Variants in ASB17 observed in about 807,000 individuals in gnomAD.
ASB17 encodes the protein ankyrin repeat and SOCS box protein 17.
Under a neutral mutation model 25.7 loss-of-function variants are expected in ASB17, and 26 were observed. That is an observed-to-expected ratio of 1.01 (90% CI 0.74 to 1.40). ASB17 has a LOEUF of 1.40. Ranked by LOEUF, ASB17 falls within the 40% of genes most tolerant of loss-of-function variation. The pLI is 0.00. For missense variants in ASB17, 326 were observed against 338.5 expected (o/e 0.96, Z 0.29); for synonymous variants, 128 against 121.4 (o/e 1.05, Z -0.36).
rs771938087 is a variant in ASB17, at chr1:75,922,230, G to A, written c.531C>T (p.Asn177=). 6.2e-7 allele frequency: 1 copy of A among 1,613,550 alleles called. No individual in the cohort carries two copies. Among genetic ancestry groups the A allele is most frequent in the Non-Finnish European group, 8.5e-7 (1 of 1,179,744 alleles). The change falls in exon 2 of 3, where the codon AAC becomes AAT. Residue 177 remains asparagine, a synonymous_variant. Coordinates refer to ENST00000284142, the MANE Select transcript of ASB17 (RefSeq NM_080868.3). ...CTATTGTTAAGACAATGTTGATAGG[G>A]TTTTTTTCTCTTTCTAAGATTCCAT... is the stretch of plus-strand genomic sequence containing the variant. ...LQYGILEREK[N]PINIVLTIVL...
chr1:75,932,202 G>GGGT lies in ASB17; in HGVS notation c.87_89dup (p.Pro30dup). 1 of 1,614,040 alleles carries GGGT rather than the reference G, an allele frequency of 6.2e-7. No individual in the cohort carries two copies. Among genetic ancestry groups the GGGT allele is most frequent in the Non-Finnish European group, 8.5e-7 (1 of 1,179,960 alleles). On this transcript the variant is annotated inframe_insertion, in exon 1 of 3. Transcript: ENST00000284142. The stretch of plus-strand genomic sequence containing the variant: ...CCCACTGACCCAAAAACTGTAGGGA[G>GGGT]GGTCTTTTAACAATTTTGTCAAGGA...
At chr1:75,919,719 T>C (rs1204926356) in intron 2 of ASB17, among the ~76,000 whole-genome samples, 1 of 152,202 alleles carries the variant, frequency 6.6e-6, no homozygotes, top group Admixed American at 6.5e-5. Flanking sequence ...CATGAACTCA[T>C]CCTTTTTTAT....
chr1:75,922,775 C>A (rs954927172), intron 1 of ASB17, among the ~76,000 whole-genome samples: 9 of 152,048 alleles, frequency 5.9e-5, no homozygotes, highest in African/African-American at 1.9e-4. Flanking sequence ...GGATTACAGG[C>A]GTGAGCCACT....
chr1:75,930,159 T>C (rs571639254), intron 1 of ASB17, among the ~76,000 whole-genome samples: 1 of 149,110 alleles, frequency 6.7e-6, no homozygotes, highest in Non-Finnish European at 1.5e-5. Context: ...TATATTTATA[T>C]ATTATATATA....
intron 1 of ASB17, among the ~76,000 whole-genome samples, chr1:75,922,622 G>A (rs574956053): frequency 3.4e-5 from 5 of 145,670 alleles, no homozygotes; most frequent in African/African-American, 5.0e-5. Context: ...TCAGCCTCCC[G>A]AGTAGCTGGG....
chr1:75,931,615 CT>C (rs2100617538), intron 1 of ASB17, among the ~76,000 whole-genome samples: 1 of 152,144 alleles, frequency 6.6e-6, no homozygotes, highest in South Asian at 2.1e-4. Context: ...AACATAGTGT[CT>C]TTGTTTAGTT....
chr1:75,919,625 C>T (rs938348105), intron 2 of ASB17, among the ~76,000 whole-genome samples: 1 of 151,976 alleles, frequency 6.6e-6, no homozygotes, highest in South Asian at 2.1e-4. Context: ...CTATGAGTGA[C>T]AATATGCGGT....
In ASB17 at chr1:75,931,013, G is replaced by A. The variant is rs1174361810; in HGVS notation, c.401+878C>T. Among the ~76,000 whole-genome samples, 8 of 152,278 alleles carry A rather than the reference G, an allele frequency of 5.3e-5. No homozygotes were observed. The South Asian group carries it at 8.3e-4, about 16-fold the overall frequency. On this transcript the variant is annotated intron_variant, in intron 1 of 2. Coordinates refer to ENST00000284142, the MANE Select transcript of ASB17 (RefSeq NM_080868.3). The stretch of plus-strand genomic sequence containing the variant: ...AAGTAATGAAATCCAGTGGTTCTCC[G>A]ATACCATAGGATGCACAATCAAGAA...
intron 1 of ASB17, among the ~76,000 whole-genome samples, chr1:75,924,933 AC>A (rs1421915870): frequency 6.6e-5 from 10 of 152,102 alleles, no homozygotes; most frequent in African/African-American, 1.9e-4. Flanking sequence ...CTTTGTACCT[AC>A]CTACATTAAA....
intron 2 of ASB17, among the ~76,000 whole-genome samples, chr1:75,920,694 C>T (rs1653002592): frequency 6.6e-6 from 1 of 152,178 alleles, no homozygotes; most frequent in Non-Finnish European, 1.5e-5. Flanking sequence ...TGATTGGAAC[C>T]CAGCTATAAA....
At chr1:75,921,838 A>G (rs1209908882) in intron 2 of ASB17, among the ~76,000 whole-genome samples, 1 of 152,082 alleles carries the variant, frequency 6.6e-6, no homozygotes, top group Non-Finnish European at 1.5e-5. Flanking sequence ...GATATAATAT[A>G]TATCTACTTA....
chr1:75,927,983 C>T (rs2100614282), intron 1 of ASB17, among the ~76,000 whole-genome samples: 1 of 152,292 alleles, frequency 6.6e-6, no homozygotes, highest in South Asian at 2.1e-4. Context: ...TCATTGGATA[C>T]AACAATGTTG....
At position 75,919,009 on chromosome 1, in the gene ASB17, T is replaced by C. The variant is rs148628076; in HGVS notation, c.831A>G (p.Gly277=). Residue 277 remains glycine, a synonymous_variant, in exon 3 of 3, where the codon GGA becomes GGG. Transcript: ENST00000284142. ...QLLTNNMLPD[G]IFSLLIPARL... ...GAGCAGGAATTAGAAGTGAAAATAT[T>C]CCATCTGGGAGCATATTGTTGGTTA... The C allele has an allele frequency of 4.0e-5, 65 of 1,612,812 alleles. No homozygotes were observed. The highest frequency in any genetic ancestry group is 5.3e-5 in the Non-Finnish European group (63 of 1,179,178).
rs762778654 is a variant in ASB17 at position 75,919,061 on chromosome 1, C to G, written c.779G>C (p.Cys260Ser). The G allele has an allele frequency of 1.6e-5, 26 of 1,612,142 alleles. No homozygotes were observed. Among genetic ancestry groups the G allele is most frequent in the Non-Finnish European group, 2.1e-5 (25 of 1,178,558 alleles). Residue 260 changes from cysteine to serine, a missense_variant, in exon 3 of 3, where the codon TGC becomes TCC. Physicochemically the swap from Cys to Ser is moderately radical, Grantham distance 112. Coordinates refer to ENST00000284142, the MANE Select transcript of ASB17 (RefSeq NM_080868.3). The stretch of plus-strand genomic sequence containing the variant: ...TAGTTGATTCCTGATGGTTAGTCTG[C>G]AAAGATGTAATAGTTCACATGGATC... ...YKDPCELLHL[C>S]RLTIRNQLLT...
intron 1 of ASB17, among the ~76,000 whole-genome samples, chr1:75,923,575 C>G (rs1306558070): frequency 6.6e-6 from 1 of 152,052 alleles, no homozygotes; most frequent in Non-Finnish European, 1.5e-5. Flanking sequence ...TGATTTTTGT[C>G]TGTGGAATTC....
chr1:75,931,790 A>C, intron 1 of ASB17, 101 bp downstream of exon 1: 1 of 1,070,892 alleles, frequency 9.3e-7, no homozygotes, highest in Non-Finnish European at 1.3e-6. Flanking sequence ...TCCTTACTTC[A>C]CATATAGCCA....
intron 2 of ASB17, among the ~76,000 whole-genome samples, chr1:75,921,159 T>C (rs1228747825): frequency 6.6e-6 from 1 of 152,166 alleles, no homozygotes; most frequent in Non-Finnish European, 1.5e-5. Context: ...GTAACAATTA[T>C]GCAGAATTAA....
rs765545273 is a variant in ASB17 at position 75,932,333 on chromosome 1, G to A, written c.-42C>T. On this transcript the variant is annotated 5_prime_UTR_variant, in exon 1 of 3. Coordinates refer to ENST00000284142, the MANE Select transcript of ASB17 (RefSeq NM_080868.3). ...ACTGTAGAAATAAAATCAGAGGTAA[G>A]CATACTGTAATCCTCCAGTTACATA... The A allele has an allele frequency of 1.4e-4, 208 of 1,514,020 alleles. No homozygotes were observed. The highest frequency in any genetic ancestry group is 1.8e-4 in the Non-Finnish European group (200 of 1,121,782). The allele number at this position is 1,514,020 out of a possible 1,614,324, so 93.8% of individuals were successfully genotyped here. A position where few individuals can be genotyped will look rare whatever the true frequency, so the allele number is the denominator to read the frequency against.
chr1:75,928,478 A>G (rs762309854), intron 1 of ASB17, among the ~76,000 whole-genome samples: 1 of 152,190 alleles, frequency 6.6e-6, no homozygotes, highest in African/African-American at 2.4e-5. Context: ...CGTTAATTCT[A>G]TCTCCTCTCC....
Sources: gnomAD v4.1 joint callset for allele counts (sites outside exome capture counted in the v4.1 genomes callset) on GRCh38, gnomAD v4.1.1 for gene constraint, MANE v1.5 for transcripts, NCBI Gene and HGNC (gene_info 2026-07-23, HGNC 2026-07-21) for gene names.